The following DOCK8 variants were observed in gnomAD, a reference collection of about 807,000 sequenced individuals.
DOCK8 encodes dedicator of cytokinesis protein 8.
In DOCK8, 141 loss-of-function variants were observed where a neutral mutation model predicts 245.6. The observed-to-expected ratio is 0.57, with a 90% confidence interval of 0.50 to 0.66. DOCK8 has a LOEUF of 0.66. Among genes scored for constraint, DOCK8 ranks in the 30% least tolerant of loss-of-function variants. DOCK8 has a pLI of 0.00. For synonymous variants in DOCK8, 1,168 were observed against 970.2 expected (o/e 1.20, Z -3.79); for missense variants, 2,965 against 2,603.4 (o/e 1.14, Z -3.02).
At chr9:215,500 G>C (rs1020857088) in intron 1 of DOCK8, 5 of 1,436,400 alleles carry the variant, frequency 3.5e-6, no homozygotes, top group Non-Finnish European at 3.7e-6. Context: ...CTGTCGTCCT[G>C]AGCAAGGCTC....
At chr9:389,448 C>T (rs2054089779) in intron 23 of DOCK8, among the ~76,000 whole-genome samples, 1 of 152,146 alleles carries the variant, frequency 6.6e-6, no homozygotes, top group African/African-American at 2.4e-5. Flanking sequence ...ACTACTATGC[C>T]TTTCAGAGCC....
At chr9:422,582 A>C (rs2056319232) in intron 33 of DOCK8, among the ~76,000 whole-genome samples, 1 of 152,256 alleles carries the variant, frequency 6.6e-6, no homozygotes, top group Non-Finnish European at 1.5e-5. Context: ...AATGCTCCAG[A>C]ATAGAAAAAT....
At chr9:307,684 G>C (rs2049911040) in intron 5 of DOCK8, among the ~76,000 whole-genome samples, 1 of 151,926 alleles carries the variant, frequency 6.6e-6, no homozygotes, top group Non-Finnish European at 1.5e-5. Context: ...GAGCCAACTT[G>C]ATCATATGAT....
chr9:405,130 T>C, intron 27 of DOCK8, 57 bp downstream of exon 27: 1 of 1,491,484 alleles, frequency 6.7e-7, no homozygotes, highest in South Asian at 1.1e-5. Context: ...TTTAACTAGC[T>C]CAGTTTAATC....
rs932891616 is a variant in DOCK8 at position 340,242 on chromosome 9, C to A, written c.1600C>A (p.Pro534Thr). The change falls in exon 14 of 48, where the codon CCT (proline) becomes ACT (threonine). Residue 534 changes from proline to threonine, a missense_variant. By Grantham distance (38) the Pro-to-Thr change is conservative. This residue lies in a region of DOCK8 where 2,825 missense variants were observed against 2,453.5 expected (regional missense o/e 1.15). Coordinates refer to ENST00000432829, the MANE Select transcript of DOCK8 (RefSeq NM_203447.4). Reference protein sequence around the residue: ...TPEMLPVKPFPENRTRPHKEI... With the variant: ...TPEMLPVKPFTENRTRPHKEI... ...TGAAATGCTGCCCGTGAAACCCTTT[C>A]CTGAAAACCGGACACGCCCGCACAA... is the stretch of plus-strand genomic sequence containing the variant. The A allele has an allele frequency of 3.1e-6, 5 of 1,614,054 alleles. No homozygotes were observed. Among genetic ancestry groups the A allele is most frequent in the Non-Finnish European group, 4.2e-6 (5 of 1,180,026 alleles).
chr9:429,995 G>A, intron 36 of DOCK8, 141 bp downstream of exon 36: 4 of 1,004,142 alleles, frequency 4.0e-6, no homozygotes, highest in Non-Finnish European at 6.0e-6. Context: ...TGAGTATGTA[G>A]ATAGATAGCA....
chr9:347,825 G>A (rs13288142), intron 14 of DOCK8, among the ~76,000 whole-genome samples: 21,396 of 152,084 alleles, frequency 0.14, 1,900 homozygotes, highest in Middle Eastern at 0.2. Context: ...AATTCAGGAG[G>A]GAACCAATTG....
At chr9:295,680 G>C (rs2130454266) in intron 4 of DOCK8, among the ~76,000 whole-genome samples, 1 of 152,250 alleles carries the variant, frequency 6.6e-6, no homozygotes, top group African/African-American at 2.4e-5. Context: ...GATTTAGTTA[G>C]CTCCTTTATT....
chr9:277,594 C>T (rs73374555), intron 2 of DOCK8, among the ~76,000 whole-genome samples: 4,495 of 151,254 alleles, frequency 0.03, 233 homozygotes, highest in African/African-American at 0.1. Context: ...GAGTTAGGAT[C>T]TATGCCCTAA....
intron 36 of DOCK8, among the ~76,000 whole-genome samples, chr9:430,247 G>A (rs968040964): frequency 2.6e-5 from 4 of 152,072 alleles, no homozygotes; most frequent in African/African-American, 9.7e-5. Flanking sequence ...GTTGGCGCAT[G>A]CCTGTAATCC....
chr9:358,616 A>G (rs1407117512), intron 14 of DOCK8, among the ~76,000 whole-genome samples: 1 of 149,338 alleles, frequency 6.7e-6, no homozygotes, highest in African/African-American at 2.5e-5. Flanking sequence ...TGGGAGGCCG[A>G]GGTGGGCGGA....
intron 21 of DOCK8, 42 bp from the exon 22 acceptor site, chr9:382,471 G>T: frequency 6.2e-7 from 1 of 1,611,974 alleles, no homozygotes; most frequent in South Asian, 1.1e-5. Context: ...AAGTAACTCT[G>T]TTCCCCTGTC....
At chr9:230,045 C>T (rs1242643589) in intron 1 of DOCK8, among the ~76,000 whole-genome samples, 2 of 147,120 alleles carry the variant, frequency 1.4e-5, no homozygotes, top group African/African-American at 5.0e-5. Flanking sequence ...CTAATGCTAT[C>T]CCTCACCCCT....
intron 14 of DOCK8, among the ~76,000 whole-genome samples, chr9:351,821 A>G (rs889084958): frequency 3.3e-5 from 5 of 152,246 alleles, no homozygotes; most frequent in Non-Finnish European, 7.3e-5. Flanking sequence ...CTCTCTAGCA[A>G]TAGCCAGTGG....
intron 25 of DOCK8, among the ~76,000 whole-genome samples, chr9:398,791 G>C (rs1409360376): frequency 6.7e-6 from 1 of 149,108 alleles, no homozygotes; most frequent in Non-Finnish European, 1.5e-5. Context: ...AAGTCAGTTT[G>C]CCAAAAAAAA....
In DOCK8 at chr9:426,893, C is replaced by T. The variant is rs1377312095; in HGVS notation, c.4250C>T (p.Ala1417Val). 1 of 1,614,028 alleles carries T rather than the reference C, an allele frequency of 6.2e-7. No individual in the cohort carries two copies. Among genetic ancestry groups the T allele is most frequent in the Admixed American group, 1.7e-5 (1 of 60,016 alleles). ...CTCTTGTTGTTTCCTAGAACAAAGG[C>T]CGAGTTAGATCAAGAAGCCTTGATC... is the stretch of plus-strand genomic sequence containing the variant. ...QANEKLDKTKAELDQEALISG... is the reference protein window; with the variant it reads ...QANEKLDKTKVELDQEALISG... Residue 1417 changes from alanine (A) to valine (V), a missense_variant, in exon 34 of 48, where the codon GCC (alanine) becomes GTC (valine). Physicochemically the swap from Ala to Val is moderately conservative, Grantham distance 64 (BLOSUM62 0). Coordinates refer to ENST00000432829, the MANE Select transcript of DOCK8 (RefSeq NM_203447.4).
At chr9:340,671 A>C (rs1329934511) in intron 14 of DOCK8, 1 of 213,504 alleles carries the variant, frequency 4.7e-6, no homozygotes, top group Admixed American at 5.3e-5. Flanking sequence ...CGTTGAGCTC[A>C]CATTCTGAGT....
Position 420,083 on chromosome 9 carries a change from G to A in DOCK8, c.3841-318G>A, listed in dbSNP as rs559500359. ...CTTTGTATCACTGGGATTGCAGCAC[G>A]CATGATCAAGGCCCAGGGGTGATCA... On this transcript the variant is annotated intron_variant, in intron 30 of 47. Transcript: ENST00000432829. 3.2e-5 allele frequency: 13 copies of A among 411,912 alleles called. 1 individual carries two copies. Among genetic ancestry groups the A allele is most frequent in the African/African-American group, 1.0e-4 (5 of 49,440 alleles). The allele number at this position is 411,912 out of a possible 1,614,324, so 25.5% of individuals were successfully genotyped here.
intron 24 of DOCK8, among the ~76,000 whole-genome samples, chr9:392,007 G>A (rs985261216): frequency 5.9e-5 from 9 of 151,464 alleles, no homozygotes; most frequent in East Asian, 3.9e-4. Context: ...GTGTGGTGGC[G>A]GGTGCCTGTA....
Sources: allele counts gnomAD v4.1 joint callset (sites outside exome capture counted in the v4.1 genomes callset), GRCh38; gene constraint gnomAD v4.1.1; regional missense constraint gnomAD v4.1.1; transcripts MANE v1.5; gene names NCBI Gene and HGNC (gene_info 2026-07-23, HGNC 2026-07-21).